KPNB1: variants seen among roughly 807,000 people sequenced by gnomAD.
KPNB1 encodes karyopherin subunit beta 1.
KPNB1 carries 7 observed loss-of-function variants against 113.0 expected under a neutral mutation model. That is an observed-to-expected ratio of 0.06 (90% CI 0.04 to 0.12). The LOEUF (loss-of-function observed/expected upper bound fraction) is 0.12. KPNB1 is among the 10% of genes least tolerant of loss of function. The pLI is 1.00. For synonymous variants in KPNB1, 363 were observed against 378.6 expected, an observed-to-expected ratio of 0.96 and a Z score of 0.48; for missense variants, 400 against 1,054.8, an observed-to-expected ratio of 0.38 and a Z score of 8.60.
chr17:47,684,837 C>T lies in KPNB1; in HGVS notation c.*2433C>T, dbSNP rs542885397. The T allele has an allele frequency of 6.5e-6, 1 of 152,744 alleles. No homozygotes were observed. The allele number at this position is 152,744 out of a possible 1,614,324, so 9.5% of individuals were successfully genotyped here. ...TGCACTGGTTATGCATTTAATTCTC[C>T]TCTTTTCTAGTTAACCTTTTGCCAG... On this transcript the variant is annotated 3_prime_UTR_variant, in exon 22 of 22. Coordinates refer to ENST00000290158, the MANE Select transcript of KPNB1 (RefSeq NM_002265.6).
At chr17:47,666,596 A>G (rs1004859333) in intron 9 of KPNB1, among the ~76,000 whole-genome samples, 1 of 144,496 alleles carries the variant, frequency 6.9e-6, no homozygotes, top group East Asian at 2.0e-4. Context: ...CATATTATAT[A>G]TAATTATATA....
chr17:47,675,361 G>GTTGTT (rs1567894260), intron 15 of KPNB1, among the ~76,000 whole-genome samples: 7 of 88,692 alleles, frequency 7.9e-5, no homozygotes, highest in Non-Finnish European at 1.4e-4. Context: ...CAGAGGTGTT[G>GTTGTT]TTTTTTTTTT....
In KPNB1 at chr17:47,683,483, C is replaced by T. The variant is rs2143196352; in HGVS notation, c.*1079C>T. 1 of 152,448 alleles carries T rather than the reference C, an allele frequency of 6.6e-6. No individual in the cohort carries two copies. Among genetic ancestry groups the T allele is most frequent in the Admixed American group, 6.5e-5 (1 of 15,268 alleles). The allele number at this position is 152,448 out of a possible 1,614,324, so 9.4% of individuals were successfully genotyped here. A position where few individuals can be genotyped will look rare whatever the true frequency, so the allele number is the denominator to read the frequency against. ...GACTTGTATTGTGGCAGTCTGAACG[C>T]CCCCAGAAAATTGTGCCAAAGAGTT... On this transcript the variant is annotated 3_prime_UTR_variant, in exon 22 of 22. Transcript: ENST00000290158.
intron 9 of KPNB1, 81 bp from the exon 10 acceptor site, chr17:47,668,105 A>AT: frequency 9.3e-7 from 1 of 1,075,110 alleles, no homozygotes; most frequent in Non-Finnish European, 1.4e-6. Flanking sequence ...TTCTAAAGAC[A>AT]TTCAAGAGTA....
chr17:47,656,727 A>G, intron 3 of KPNB1, 133 bp from the exon 4 acceptor site: 1 of 840,364 alleles, frequency 1.2e-6, no homozygotes, highest in Non-Finnish European at 1.9e-6. Context: ...CAGTCCGGGC[A>G]ACATAGTGAG....
At chr17:47,659,118 GC>G (rs1285132349) in intron 5 of KPNB1, among the ~76,000 whole-genome samples, 5 of 152,164 alleles carry the variant, frequency 3.3e-5, no homozygotes, top group Admixed American at 2.6e-4. Flanking sequence ...GGAGGCTGAG[GC>G]GGGTGGATCA....
intron 21 of KPNB1, among the ~76,000 whole-genome samples, chr17:47,681,822 C>T (rs2030795831): frequency 1.3e-5 from 2 of 150,100 alleles, no homozygotes; most frequent in African/African-American, 2.5e-5. Flanking sequence ...GGCCTTGGCT[C>T]CTACTTTGAA....
At position 47,651,729 on chromosome 17, in the gene KPNB1, T is replaced by C. The variant is rs549122838; in HGVS notation, c.100-965T>C. ...TATCTTCTGCTGTGATTGCAGAGCT[T>C]GTTAGCAGTAAGAAAAATGTGTCTG... On this transcript the variant is annotated intron_variant, in intron 2 of 21. Transcript: ENST00000290158. 4.6e-5 allele frequency among the ~76,000 whole-genome samples: 7 copies of C among 152,378 alleles called. No individual in the cohort carries two copies. The South Asian group carries it at 6.2e-4, about 14-fold the overall frequency.
Position 47,657,798 on chromosome 17 carries a change from A to G in KPNB1, c.484-710A>G, listed in dbSNP as rs569473953. Among the ~76,000 whole-genome samples, 18 of 152,358 alleles carry G rather than the reference A, an allele frequency of 1.2e-4. No homozygotes were observed. The South Asian group carries it at 3.3e-3, about 28-fold the overall frequency. Reference sequence around the variant, plus strand: ...TGATGAGTTTGACTTGGTTTTGTTCAGTTCTGGATTGCCAGTACCATGAGA... The same window carrying G: ...TGATGAGTTTGACTTGGTTTTGTTCGGTTCTGGATTGCCAGTACCATGAGA... On this transcript the variant is annotated intron_variant, in intron 4 of 21. Coordinates refer to ENST00000290158, the MANE Select transcript of KPNB1 (RefSeq NM_002265.6).
intron 14 of KPNB1, 70 bp downstream of exon 14, chr17:47,673,631 G>A (rs143102366): frequency 4.6e-5 from 54 of 1,181,014 alleles, no homozygotes; most frequent in Middle Eastern, 1.9e-4. Context: ...TAACAAGTTC[G>A]TGTACACACA....
At position 47,678,205 on chromosome 17, in the gene KPNB1, TCTTGG is replaced by T. The variant is rs775103001; in HGVS notation, c.2247+19_2247+23del. 1.2e-6 allele frequency: 2 copies of T among 1,613,860 alleles called. No individual in the cohort carries two copies. Among genetic ancestry groups the T allele is most frequent in the Admixed American group, 1.7e-5 (1 of 60,014 alleles). ...GGTGGACAAGGTAAGCTTAAAGCTA[TCTTGG>T]CTGTTCTTTAAGTCTAGCTCTAATT... On this transcript the variant is annotated intron_variant, in intron 18 of 21. Coordinates refer to ENST00000290158, the MANE Select transcript of KPNB1 (RefSeq NM_002265.6).
intron 3 of KPNB1, among the ~76,000 whole-genome samples, chr17:47,656,289 C>T (rs1290365320): frequency 6.6e-6 from 1 of 152,036 alleles, no homozygotes; most frequent in Admixed American, 6.5e-5. Flanking sequence ...AGACAGCTGC[C>T]TGGGCACAGT....
At chr17:47,650,470 C>T (rs1469709496) in intron 2 of KPNB1, 26 bp downstream of exon 2, 2 of 1,588,416 alleles carry the variant, frequency 1.3e-6, no homozygotes, top group Non-Finnish European at 1.7e-6. Context: ...CCGCGCCCAT[C>T]CCGCCGCGTC....
intron 16 of KPNB1, 37 bp downstream of exon 16, chr17:47,676,528 A>G (rs558715592): frequency 6.8e-7 from 1 of 1,468,772 alleles, no homozygotes; most frequent in Non-Finnish European, 9.5e-7. Flanking sequence ...GTTCCCATTT[A>G]TATCTGACAG....
intron 14 of KPNB1, 75 bp from the exon 15 acceptor site, chr17:47,674,563 T>G: frequency 7.0e-7 from 1 of 1,422,512 alleles, no homozygotes; most frequent in Non-Finnish European, 9.5e-7. Flanking sequence ...TTAATTGATT[T>G]TAAAAAGAAA....
At chr17:47,673,284 A>T in intron 13 of KPNB1, 119 bp downstream of exon 13, 2 of 1,099,530 alleles carry the variant, frequency 1.8e-6, no homozygotes, top group Non-Finnish European at 1.3e-6. Flanking sequence ...TCTCAGAAAG[A>T]TAATAAAGCT....
In KPNB1 at chr17:47,664,167, C is replaced by T. The variant is rs1300167994; in HGVS notation, c.795C>T (p.Ile265=). 20 of 1,609,888 alleles carry T rather than the reference C, an allele frequency of 1.2e-5. No homozygotes were observed. The highest frequency in any genetic ancestry group is 2.2e-5 in the East Asian group (1 of 44,828). Residue 265 remains isoleucine, a synonymous_variant, in exon 8 of 22, where the codon ATC becomes ATT. Transcript: ENST00000290158. ...GTGTTTTTCTTCTTAAGATCACAAT[C>T]GAAGCAATGAAAAGTGACATTGATG... ...YMGPALFAIT[I]EAMKSDIDEV... is the part of the protein sequence containing the mutation.
At chr17:47,668,520 C>T (rs2030357527) in intron 10 of KPNB1, 110 bp downstream of exon 10, 2 of 805,382 alleles carry the variant, frequency 2.5e-6, no homozygotes, top group Admixed American at 2.7e-5. Context: ...CAAAGATTAT[C>T]TCTAGATACT....
chr17:47,673,422 A>T, intron 13 of KPNB1, 68 bp from the exon 14 acceptor site: 1 of 1,317,644 alleles, frequency 7.6e-7, no homozygotes, highest in Non-Finnish European at 1.1e-6. Context: ...ATTAGGGAAG[A>T]TTATTAAATG....
Sources: gnomAD v4.1 joint callset for allele counts (sites outside exome capture counted in the v4.1 genomes callset) on GRCh38, gnomAD v4.1.1 for gene constraint, MANE v1.5 for transcripts, NCBI Gene and HGNC (gene_info 2026-07-23, HGNC 2026-07-21) for gene names.